The following LRRC4C variants were observed in gnomAD, a reference collection of about 807,000 sequenced individuals.
LRRC4C encodes leucine rich repeat containing 4C.
A neutral mutation model predicts 33.6 loss-of-function variants in LRRC4C; 5 were observed. That is an observed-to-expected ratio of 0.15 (90% CI 0.08 to 0.31). The LOEUF (loss-of-function observed/expected upper bound fraction) is 0.31. Among genes scored for constraint, LRRC4C ranks in the 10% least tolerant of loss-of-function variants. The pLI, the probability that LRRC4C is intolerant of heterozygous loss-of-function variation, is 1.00. For missense variants in LRRC4C, 560 were observed against 796.7 expected, an observed-to-expected ratio of 0.70 and a Z score of 3.58; for synonymous variants, 329 against 302.0, an observed-to-expected ratio of 1.09 and a Z score of -0.93.
intron 3 of LRRC4C, among the ~76,000 whole-genome samples, chr11:40,565,256 A>C (rs1957709107): frequency 6.6e-6 from 1 of 152,118 alleles, no homozygotes; most frequent in Non-Finnish European, 1.5e-5. Flanking sequence ...ATCATAAGAG[A>C]CAGACTGTGG....
rs114012772 is a variant in LRRC4C, at chr11:41,002,277, C to A, written c.-495-68554G>T. On this transcript the variant is annotated intron_variant, in intron 1 of 6. Coordinates refer to ENST00000528697, the MANE Select transcript of LRRC4C (RefSeq NM_001258419.2). ...GAAGTGACTAATTTGGTGGTCCCTA[C>A]CTTGCCAATGGTTTTTTGTTTTAAT... 2.3e-3 allele frequency among the ~76,000 whole-genome samples: 349 copies of A among 152,244 alleles called. 1 individual carries two copies. Among genetic ancestry groups the A allele is most frequent in the African/African-American group, 7.9e-3 (330 of 41,550 alleles).
intron 2 of LRRC4C, among the ~76,000 whole-genome samples, chr11:40,756,286 C>G (rs1948941160): frequency 6.6e-6 from 1 of 152,044 alleles, no homozygotes; most frequent in Non-Finnish European, 1.5e-5. Context: ...TAATACATCA[C>G]TTAAGGTTAT....
chr11:40,636,965 C>T (rs1941790094), intron 3 of LRRC4C, among the ~76,000 whole-genome samples: 1 of 152,170 alleles, frequency 6.6e-6, no homozygotes, highest in South Asian at 2.1e-4. Flanking sequence ...CAGTTGACAA[C>T]ATTGCACTGG....
At chr11:41,136,630 G>T (rs1184587920) in intron 1 of LRRC4C, among the ~76,000 whole-genome samples, 1 of 152,114 alleles carries the variant, frequency 6.6e-6, no homozygotes, top group Non-Finnish European at 1.5e-5. Flanking sequence ...GAGGATCTTG[G>T]CCTAGAGTCC....
At chr11:41,339,494 A>G (rs1951561665) in intron 1 of LRRC4C, among the ~76,000 whole-genome samples, 1 of 152,132 alleles carries the variant, frequency 6.6e-6, no homozygotes. Flanking sequence ...CACCAATACA[A>G]CAGAAACTTT....
At chr11:41,158,605 A>G (rs10768669) in intron 1 of LRRC4C, among the ~76,000 whole-genome samples, 26,867 of 152,092 alleles carry the variant, frequency 0.18, 2,898 homozygotes, top group East Asian at 0.37. Flanking sequence ...GCCTGGGAGG[A>G]GAAGGATATG....
At chr11:41,426,187 G>A (rs569585334) in intron 1 of LRRC4C, 1 of 152,160 alleles carries the variant, frequency 6.6e-6, no homozygotes, top group South Asian at 2.1e-4. Context: ...ACACACTAGT[G>A]ACATCTTCCC....
intron 3 of LRRC4C, among the ~76,000 whole-genome samples, chr11:40,630,335 CTTCTT>C (rs1963355164): frequency 2.3e-4 from 3 of 13,250 alleles, no homozygotes; most frequent in African/African-American, 4.1e-4. Context: ...TCTTCCTCTT[CTTCTT>C]CTTCTTCTTC....
chr11:41,318,803 A>G (rs1283346324), intron 1 of LRRC4C, among the ~76,000 whole-genome samples: 4 of 149,648 alleles, frequency 2.7e-5, no homozygotes, highest in African/African-American at 4.9e-5. Flanking sequence ...GAAATTCCAG[A>G]AAAAAAAAAC....
chr11:40,520,370 C>T (rs1955759192), intron 3 of LRRC4C, among the ~76,000 whole-genome samples: 1 of 152,092 alleles, frequency 6.6e-6, no homozygotes, highest in African/African-American at 2.4e-5. Context: ...TAATCATTTC[C>T]AGCTTTGGAT....
intron 3 of LRRC4C, among the ~76,000 whole-genome samples, chr11:40,543,125 C>A (rs942244126): frequency 6.6e-6 from 1 of 151,992 alleles, no homozygotes; most frequent in African/African-American, 2.4e-5. Flanking sequence ...TCCTTTAAGA[C>A]CTCCAGGATA....
At chr11:40,431,106 A>AAT (rs1950909913) in intron 3 of LRRC4C, among the ~76,000 whole-genome samples, 4 of 78,646 alleles carry the variant, frequency 5.1e-5, no homozygotes, top group African/African-American at 8.3e-5. Flanking sequence ...ATAAAAAAAA[A>AAT]AAAAAAAAAT....
At chr11:40,396,350 C>T (rs1386646990) in intron 3 of LRRC4C, among the ~76,000 whole-genome samples, 1 of 151,984 alleles carries the variant, frequency 6.6e-6, no homozygotes, top group Non-Finnish European at 1.5e-5. Context: ...TTCTTTTTAT[C>T]ATTTACTTTA....
chr11:41,429,834 G>A (rs1472218504), intron 1 of LRRC4C, among the ~76,000 whole-genome samples: 2 of 152,044 alleles, frequency 1.3e-5, no homozygotes, highest in African/African-American at 4.8e-5. Context: ...AAATAAAAAT[G>A]AAAATAAAAT....
At chr11:41,021,202 AGAGAGAGAGAGAGTGTGT>A (rs1220914528) in intron 1 of LRRC4C, among the ~76,000 whole-genome samples, 4 of 47,592 alleles carry the variant, frequency 8.4e-5, no homozygotes, top group African/African-American at 2.0e-4. Flanking sequence ...AGAGAGAGAG[AGAGAGAGAGAGAGTGTGT>A]GTGTGTGTGT....
intron 1 of LRRC4C, among the ~76,000 whole-genome samples, chr11:41,320,290 C>G (rs371216059): frequency 1.3e-5 from 2 of 152,286 alleles, no homozygotes; most frequent in East Asian, 3.9e-4. Context: ...CATGATTTAG[C>G]CGATGGTAAT....
At chr11:40,317,290 C>T (rs1304303200) in intron 4 of LRRC4C, among the ~76,000 whole-genome samples, 1 of 150,786 alleles carries the variant, frequency 6.6e-6, no homozygotes, top group African/African-American at 2.5e-5. Context: ...TCACAGCAGT[C>T]CTAGTCTTTC....
At chr11:40,722,567 C>G (rs1003442358) in intron 2 of LRRC4C, among the ~76,000 whole-genome samples, 1 of 152,072 alleles carries the variant, frequency 6.6e-6, no homozygotes, top group African/African-American at 2.4e-5. Flanking sequence ...GTCAAACACT[C>G]GAAGAAATAA....
chr11:40,988,921 C>T (rs1008607869), intron 1 of LRRC4C, among the ~76,000 whole-genome samples: 2 of 151,744 alleles, frequency 1.3e-5, no homozygotes, highest in African/African-American at 2.4e-5. Flanking sequence ...GGGGTTTCAC[C>T]GTGTTAGCCA....
Sources: allele counts gnomAD v4.1 joint callset (sites outside exome capture counted in the v4.1 genomes callset), GRCh38; gene constraint gnomAD v4.1.1; transcripts MANE v1.5; gene names NCBI Gene and HGNC (gene_info 2026-07-23, HGNC 2026-07-21).